The following PAX3 variants were observed in gnomAD, a reference collection of about 807,000 sequenced individuals.
The protein encoded by PAX3 is paired box protein Pax-3.
A neutral mutation model predicts 51.6 loss-of-function variants in PAX3; 14 were observed. The observed-to-expected ratio is 0.27, with a 90% confidence interval of 0.18 to 0.42. The LOEUF (loss-of-function observed/expected upper bound fraction) is 0.42, where lower values mean the gene tolerates loss of function less well. PAX3 is among the 10% of genes least tolerant of loss of function. The pLI is 1.00. For synonymous variants in PAX3, 280 were observed against 253.4 expected, an observed-to-expected ratio of 1.11 and a Z score of -1.00; for missense variants, 540 against 642.8, an observed-to-expected ratio of 0.84 and a Z score of 1.73.
intron 4 of PAX3, among the ~76,000 whole-genome samples, chr2:222,271,656 A>G (rs16863628): frequency 0.13 from 19,467 of 152,250 alleles, 1,416 homozygotes; most frequent in East Asian, 0.25. Context: ...TGAAGTTTTT[A>G]AACCTAAATA....
chr2:222,201,320 T>G lies in PAX3; in HGVS notation c.*88A>C, dbSNP rs945616999. On this transcript the variant is annotated 3_prime_UTR_variant, in exon 9 of 9. Transcript: ENST00000392070. ...CCCACCCCCCCCAACAAAAGGGTAA[T>G]TTTTTTTTGTTTTCAGAGCAGATTC... is the stretch of plus-strand genomic sequence containing the variant. 1 of 1,555,646 alleles carries G rather than the reference T, an allele frequency of 6.4e-7. No individual in the cohort carries two copies. The highest frequency in any genetic ancestry group is 8.7e-7 in the Non-Finnish European group (1 of 1,148,772).
intron 5 of PAX3, among the ~76,000 whole-genome samples, chr2:222,225,286 T>C (rs939904111): frequency 2.0e-5 from 3 of 152,178 alleles, no homozygotes; most frequent in Non-Finnish European, 2.9e-5. Context: ...AGTCCTTCCA[T>C]AAAGCCATAT....
At chr2:222,254,819 A>G (rs533752763) in intron 4 of PAX3, among the ~76,000 whole-genome samples, 1 of 152,082 alleles carries the variant, frequency 6.6e-6, no homozygotes, top group South Asian at 2.1e-4. Context: ...GTCTTGCTCT[A>G]TTGGCCAGGC....
At chr2:222,256,942 T>G (rs1443870997) in intron 4 of PAX3, among the ~76,000 whole-genome samples, 1 of 152,158 alleles carries the variant, frequency 6.6e-6, no homozygotes, top group Non-Finnish European at 1.5e-5. Flanking sequence ...CCTGTACTTG[T>G]GAGATAGTTT....
intron 3 of PAX3, 69 bp from the exon 4 acceptor site, chr2:222,294,370 G>A (rs1695175606): frequency 1.9e-6 from 3 of 1,575,088 alleles, no homozygotes; most frequent in African/African-American, 1.3e-5. Context: ...GTGCGGGAAG[G>A]ACCCCCCACC....
intron 7 of PAX3, among the ~76,000 whole-genome samples, chr2:222,205,036 G>A (rs890209301): frequency 6.2e-4 from 95 of 152,190 alleles, no homozygotes; most frequent in African/African-American, 2.3e-3. Flanking sequence ...AGGGGATGGG[G>A]GAACTCAAGA....
chr2:222,201,818 A>C (rs1691303139), intron 8 of PAX3, 126 bp downstream of exon 8: 2 of 285,082 alleles, frequency 7.0e-6, no homozygotes, highest in African/African-American at 3.2e-5. Context: ...CTGGCTTTGC[A>C]AAAAAAAAAA....
rs749269457 is a variant in PAX3 at position 222,200,232 on chromosome 2, C to G, written c.*1176G>C. On this transcript the variant is annotated 3_prime_UTR_variant, in exon 9 of 9. Coordinates refer to ENST00000392070, the MANE Select transcript of PAX3 (RefSeq NM_181458.4). ...ATTGACATTCTAAAATGTCACCACA[C>G]AAACGTATGTAAACCTCAGTTCCTA... The G allele has an allele frequency of 4.6e-6, 1 of 219,302 alleles. No individual in the cohort carries two copies. The highest frequency in any genetic ancestry group is 9.2e-6 in the Non-Finnish European group (1 of 109,120). The allele number at this position is 219,302 out of a possible 1,614,324, so 13.6% of individuals were successfully genotyped here. A position where few individuals can be genotyped will look rare whatever the true frequency, so the allele number is the denominator to read the frequency against.
intron 4 of PAX3, among the ~76,000 whole-genome samples, chr2:222,287,006 C>G (rs573535064): frequency 6.6e-6 from 1 of 152,182 alleles, no homozygotes; most frequent in Non-Finnish European, 1.5e-5. Flanking sequence ...TATACATATT[C>G]TCTTCATTTT....
chr2:222,298,828 C>T lies in PAX3; in HGVS notation c.-213G>A. 3.3e-6 allele frequency: 2 copies of T among 606,836 alleles called. No homozygotes were observed. The highest frequency in any genetic ancestry group is 2.8e-5 in the East Asian group (1 of 36,108). The allele number at this position is 606,836 out of a possible 1,614,324, so 37.6% of individuals were successfully genotyped here. A position where few individuals can be genotyped will look rare whatever the true frequency, so the allele number is the denominator to read the frequency against. On this transcript the variant is annotated 5_prime_UTR_variant, in exon 1 of 9. Transcript: ENST00000392070. Reference sequence around the variant, plus strand: ...GGGAAAGGGGAGGACGGGGAGGCCCCGGAGTCCAGGATCCCGAGCCCAGGG... The same window carrying T: ...GGGAAAGGGGAGGACGGGGAGGCCCTGGAGTCCAGGATCCCGAGCCCAGGG...
chr2:222,295,889 C>A (rs759558292), intron 2 of PAX3, among the ~76,000 whole-genome samples: 3 of 152,162 alleles, frequency 2.0e-5, no homozygotes, highest in Non-Finnish European at 4.4e-5. Context: ...CCAGACAAGC[C>A]CCAGACAACC....
chr2:222,202,302 T>A, intron 7 of PAX3, 112 bp from the exon 8 acceptor site: 1 of 864,350 alleles, frequency 1.2e-6, no homozygotes, highest in Non-Finnish European at 1.9e-6. Context: ...GGAAATTGGT[T>A]AAAGAGCTGT....
At chr2:222,228,533 C>T (rs1387717927) in intron 5 of PAX3, among the ~76,000 whole-genome samples, 2 of 152,166 alleles carry the variant, frequency 1.3e-5, no homozygotes, top group Non-Finnish European at 2.9e-5. Context: ...TGAAAGAGAA[C>T]AACACCGAAC....
chr2:222,296,605 G>T (rs1020365772), intron 2 of PAX3, among the ~76,000 whole-genome samples: 1 of 152,210 alleles, frequency 6.6e-6, no homozygotes, highest in African/African-American at 2.4e-5. Context: ...GTTTTGGAAA[G>T]GACGGTGCCA....
chr2:222,266,684 T>C (rs1338827982), intron 4 of PAX3, among the ~76,000 whole-genome samples: 1 of 152,230 alleles, frequency 6.6e-6, no homozygotes, highest in Non-Finnish European at 1.5e-5. Flanking sequence ...GCTTTGTGGC[T>C]ATCTGCCTGG....
chr2:222,293,491 C>G, intron 4 of PAX3: 1 of 733,250 alleles, frequency 1.4e-6, no homozygotes, highest in South Asian at 1.8e-5. Context: ...GGATCTGTAC[C>G]CCTAGAAGAC....
intron 4 of PAX3, among the ~76,000 whole-genome samples, chr2:222,260,545 A>T (rs1693805877): frequency 6.8e-6 from 1 of 147,606 alleles, no homozygotes; most frequent in Non-Finnish European, 1.5e-5. Context: ...TATTTCAAGC[A>T]ACACAAGTTT....
At chr2:222,204,650 G>A (rs963348325) in intron 7 of PAX3, among the ~76,000 whole-genome samples, 2 of 151,950 alleles carry the variant, frequency 1.3e-5, no homozygotes, top group Admixed American at 6.6e-5. Context: ...GGGAATAATC[G>A]CACAGGGCAA....
chr2:222,238,918 C>T (rs533435507), intron 4 of PAX3, among the ~76,000 whole-genome samples: 4 of 152,262 alleles, frequency 2.6e-5, no homozygotes, highest in South Asian at 4.1e-4. Flanking sequence ...AGGTCTCCTG[C>T]GCTTGTGAGT....
Sources: gnomAD v4.1 joint callset for allele counts (sites outside exome capture counted in the v4.1 genomes callset) on GRCh38, gnomAD v4.1.1 for gene constraint, MANE v1.5 for transcripts, NCBI Gene and HGNC (gene_info 2026-07-23, HGNC 2026-07-21) for gene names.